SNX29: variants seen among roughly 807,000 people sequenced by gnomAD.
SNX29 encodes the protein sorting nexin 29, also known as sorting nexin-29.
Under a neutral mutation model 102.1 loss-of-function variants are expected in SNX29, and 78 were observed. The ratio of observed to expected loss-of-function variants is 0.76; its 90% CI spans 0.64 to 0.92. The LOEUF is 0.92. Ranked by LOEUF, SNX29 falls within the 40% of genes least tolerant of loss-of-function variation. The pLI, the probability that SNX29 is intolerant of heterozygous loss-of-function variation, is 0.00. For missense variants in SNX29, 1,280 were observed against 1,061.7 expected, an observed-to-expected ratio of 1.21 and a Z score of -2.86; for synonymous variants, 580 against 414.5, an observed-to-expected ratio of 1.40 and a Z score of -4.85.
chr16:12,444,087 A>T (rs1269637864), intron 18 of SNX29, among the ~76,000 whole-genome samples: 8 of 151,488 alleles, frequency 5.3e-5, no homozygotes, highest in African/African-American at 2.0e-4. Flanking sequence ...CATACTAAGC[A>T]CTCAGTATAG....
chr16:12,492,558 G>T (rs937249957), intron 19 of SNX29, among the ~76,000 whole-genome samples: 8 of 152,026 alleles, frequency 5.3e-5, no homozygotes, highest in Non-Finnish European at 1.0e-4. Flanking sequence ...GTCAATTTTG[G>T]CTTTTGTTGC....
chr16:12,519,343 A>C (rs2090004055), intron 19 of SNX29, among the ~76,000 whole-genome samples: 1 of 152,200 alleles, frequency 6.6e-6, no homozygotes, highest in South Asian at 2.1e-4. Context: ...CATTCAACCT[A>C]TTAAAGAATG....
rs146653431 is a variant in SNX29, at chr16:12,535,336, G to A, written c.2318+10495G>A. Among the ~76,000 whole-genome samples, 431 of 152,238 alleles carry A rather than the reference G, an allele frequency of 2.8e-3. 5 individuals carry two copies. The highest frequency in any genetic ancestry group is 9.5e-3 in the African/African-American group (395 of 41,540). The stretch of plus-strand genomic sequence containing the variant: ...GTATTTTTAGTAGAGATGAGGTTTC[G>A]TGTTGGCCAGGCTGGTCTCGAACTC... On this transcript the variant is annotated intron_variant, in intron 20 of 20. Transcript: ENST00000566228.
intron 1 of SNX29, among the ~76,000 whole-genome samples, chr16:11,997,268 C>T (rs1342019190): frequency 6.6e-6 from 1 of 152,166 alleles, no homozygotes; most frequent in Non-Finnish European, 1.5e-5. Context: ...TTGCTGTTTG[C>T]TCTGTCTGGA....
intron 15 of SNX29, among the ~76,000 whole-genome samples, chr16:12,354,074 T>C (rs2082065348): frequency 6.6e-6 from 1 of 152,248 alleles, no homozygotes; most frequent in South Asian, 2.1e-4. Context: ...CTTTGTGATC[T>C]CACATTCTCT....
In SNX29 at chr16:12,267,272, T is replaced by C. The variant is rs1250809903; in HGVS notation, c.1679-10661T>C. On this transcript the variant is annotated intron_variant, in intron 14 of 20. Transcript: ENST00000566228. Reference sequence around the variant, plus strand: ...TGTGTGTGTGTGTGTATGTGTGGCATGCAGGGGAGTAGGCTCCCTTTGGTG... The same window carrying C: ...TGTGTGTGTGTGTGTATGTGTGGCACGCAGGGGAGTAGGCTCCCTTTGGTG... 2.3e-5 allele frequency among the ~76,000 whole-genome samples: 3 copies of C among 128,150 alleles called. No individual in the cohort carries two copies. In the East Asian group the frequency reaches 6.5e-4, roughly 28 times the overall value. The allele number at this position is 128,150 out of a possible 152,430, so 84.1% of individuals were successfully genotyped here.
intron 1 of SNX29, 173 bp downstream of exon 1, chr16:11,976,986 A>G: frequency 1.2e-6 from 1 of 825,968 alleles, no homozygotes; most frequent in Non-Finnish European, 1.6e-6. Context: ...GCCCCTGCTC[A>G]CCTGCGGGTC....
chr16:12,499,197 C>T (rs1043350148), intron 19 of SNX29, among the ~76,000 whole-genome samples: 11 of 152,224 alleles, frequency 7.2e-5, no homozygotes, highest in Admixed American at 5.9e-4. Context: ...AATGTGTTTG[C>T]TCTCTGGGGC....
At chr16:12,311,516 G>A (rs896529870) in intron 15 of SNX29, among the ~76,000 whole-genome samples, 9 of 152,258 alleles carry the variant, frequency 5.9e-5, no homozygotes, top group African/African-American at 1.9e-4. Flanking sequence ...TCCAGGAGAT[G>A]CAGGGCGGTT....
rs963127510 is a variant in SNX29 at position 12,413,971 on chromosome 16, T to C, written c.2037+10442T>C. ...AAGTCCCTCATATAAAATGCCATAG[T>C]ATTTGCATATAACCTAAGTGCATCC... On this transcript the variant is annotated intron_variant, in intron 18 of 20. Transcript: ENST00000566228. Among the ~76,000 whole-genome samples the C allele has an allele frequency of 5.3e-5, 8 of 152,360 alleles. No individual in the cohort carries two copies. In the South Asian group the frequency reaches 1.4e-3, roughly 28 times the overall value.
intron 14 of SNX29, among the ~76,000 whole-genome samples, chr16:12,245,414 A>G (rs1010410806): frequency 2.6e-5 from 4 of 151,450 alleles, no homozygotes; most frequent in Non-Finnish European, 5.9e-5. Flanking sequence ...TTTGACAAAC[A>G]TGTCAAAGAT....
intron 13 of SNX29, among the ~76,000 whole-genome samples, chr16:12,171,319 C>CT (rs531304434): frequency 8.8e-4 from 130 of 148,198 alleles, no homozygotes; most frequent in South Asian, 6.6e-3. Flanking sequence ...AAAAGGCTTA[C>CT]TTTTTTTTTT....
intron 15 of SNX29, among the ~76,000 whole-genome samples, chr16:12,328,124 C>T (rs548617512): frequency 2.0e-5 from 3 of 152,122 alleles, no homozygotes; most frequent in Admixed American, 6.5e-5. Context: ...CCCTTGTAGT[C>T]GTGGGAAGAT....
Position 12,012,475 on chromosome 16 carries a change from C to G in SNX29, c.122+9432C>G, listed in dbSNP as rs147994187. Among the ~76,000 whole-genome samples the G allele has an allele frequency of 8.3e-4, 127 of 152,234 alleles. 1 individual carries two copies. Among genetic ancestry groups the G allele is most frequent in the African/African-American group, 2.9e-3 (121 of 41,498 alleles). ...CCAGGCTGGAGTACAGTGGTGCAGTCTTGGCTCACTGCAACCTCCGCCTCC... is the reference window on the plus strand; with the variant it reads ...CCAGGCTGGAGTACAGTGGTGCAGTGTTGGCTCACTGCAACCTCCGCCTCC... On this transcript the variant is annotated intron_variant, in intron 3 of 20. Coordinates refer to ENST00000566228, the MANE Select transcript of SNX29 (RefSeq NM_032167.5).
chr16:12,566,722 G>A (rs768757981), intron 20 of SNX29, among the ~76,000 whole-genome samples: 1 of 152,126 alleles, frequency 6.6e-6, no homozygotes, highest in African/African-American at 2.4e-5. Context: ...TTGAAGAGAG[G>A]ATCATGTTTG....
At chr16:12,372,174 T>A (rs527543975) in intron 16 of SNX29, among the ~76,000 whole-genome samples, 2 of 152,352 alleles carry the variant, frequency 1.3e-5, no homozygotes, top group South Asian at 4.1e-4. Context: ...CATCTATTTT[T>A]AACACAAATG....
At chr16:12,017,288 A>G (rs2049824859) in intron 3 of SNX29, among the ~76,000 whole-genome samples, 1 of 152,050 alleles carries the variant, frequency 6.6e-6, no homozygotes, top group South Asian at 2.1e-4. Flanking sequence ...GTGTTACTAT[A>G]CTTTCTTGGG....
chr16:12,202,206 A>T (rs1022103585), intron 14 of SNX29, among the ~76,000 whole-genome samples: 1 of 152,236 alleles, frequency 6.6e-6, no homozygotes, highest in East Asian at 1.9e-4. Flanking sequence ...AAACATTGGC[A>T]ACCTTTAATT....
intron 20 of SNX29, among the ~76,000 whole-genome samples, chr16:12,549,670 A>C (rs1260550553): frequency 6.6e-6 from 1 of 152,202 alleles, no homozygotes; most frequent in East Asian, 1.9e-4. Context: ...AGGCAGTCCC[A>C]AGGCCCGGCA....
Sources: allele counts gnomAD v4.1 joint callset (sites outside exome capture counted in the v4.1 genomes callset), GRCh38; gene constraint gnomAD v4.1.1; transcripts MANE v1.5; gene names NCBI Gene and HGNC (gene_info 2026-07-23, HGNC 2026-07-21).